Variants in PDE4D observed in about 807,000 individuals in gnomAD.
PDE4D encodes 3',5'-cyclic-AMP phosphodiesterase 4D.
A neutral mutation model predicts 87.4 loss-of-function variants in PDE4D; 24 were observed. The ratio of observed to expected loss-of-function variants is 0.27; its 90% CI spans 0.20 to 0.39. PDE4D has a LOEUF of 0.39. PDE4D is among the 10% of genes least tolerant of loss of function. The pLI is 1.00. For synonymous variants in PDE4D, 384 were observed against 383.2 expected (o/e 1.00, Z -0.02); for missense variants, 714 against 1,041.0 (o/e 0.69, Z 4.32).
intron 1 of PDE4D, among the ~76,000 whole-genome samples, chr5:60,348,688 C>T (rs1048157845): frequency 1.1e-4 from 16 of 151,668 alleles, no homozygotes; most frequent in Non-Finnish European, 2.1e-4. Context: ...TCTTTTTTTG[C>T]GGCTTGCCTG....
intron 1 of PDE4D, among the ~76,000 whole-genome samples, chr5:59,639,366 T>C (rs1192578595): frequency 6.6e-6 from 1 of 152,190 alleles, no homozygotes; most frequent in African/African-American, 2.4e-5. Context: ...ATTGGTGCTT[T>C]AGAAAGATAG....
chr5:59,587,139 C>A (rs1284247244), intron 1 of PDE4D: 1 of 335,900 alleles, frequency 3.0e-6, no homozygotes, highest in Non-Finnish European at 4.2e-6. Flanking sequence ...TGCTGCCTAA[C>A]CCCATAATAA....
intron 1 of PDE4D, among the ~76,000 whole-genome samples, chr5:59,335,280 A>G (rs1444266014): frequency 1.3e-5 from 2 of 152,166 alleles, no homozygotes; most frequent in Non-Finnish European, 2.9e-5. Flanking sequence ...CTGTGCCCAG[A>G]GCATGGGAAC....
chr5:59,575,422 T>A (rs1417323210), intron 1 of PDE4D, among the ~76,000 whole-genome samples: 2 of 152,182 alleles, frequency 1.3e-5, no homozygotes, highest in Non-Finnish European at 2.9e-5. Context: ...AAGATTCCTA[T>A]ATGAAAGTGA....
chr5:59,474,681 GA>G (rs1385511748), intron 1 of PDE4D, among the ~76,000 whole-genome samples: 1 of 152,024 alleles, frequency 6.6e-6, no homozygotes, highest in Non-Finnish European at 1.5e-5. Flanking sequence ...GGGTATGTAT[GA>G]AGAGAACAAG....
rs930087115 is a variant in PDE4D, at chr5:60,379,163, G to A, written c.-90+108779C>T. Reference sequence around the variant, plus strand: ...GAATTTGGAAGAAATTTCTTGTGGAGCAGTTTTTAAAACTGTAACCAGGAA... The same window carrying A: ...GAATTTGGAAGAAATTTCTTGTGGAACAGTTTTTAAAACTGTAACCAGGAA... On this transcript the variant is annotated intron_variant, in intron 1 of 16. Coordinates refer to the PDE4D transcript ENST00000502484. Among the ~76,000 whole-genome samples the A allele has an allele frequency of 4.0e-4, 60 of 149,078 alleles. 1 individual carries two copies. The highest frequency in any genetic ancestry group is 3.7e-3 in the Admixed American group (55 of 14,798).
At chr5:59,179,872 T>G (rs917133077) in intron 5 of PDE4D, among the ~76,000 whole-genome samples, 5 of 152,138 alleles carry the variant, frequency 3.3e-5, no homozygotes, top group African/African-American at 1.2e-4. Context: ...GTCAAAAGAG[T>G]TCAATTTGGT....
chr5:60,138,944 G>C (rs7736514), intron 2 of PDE4D, among the ~76,000 whole-genome samples: 2 of 151,642 alleles, frequency 1.3e-5, no homozygotes, highest in African/African-American at 4.8e-5. Context: ...GTTTTTTGGG[G>C]TTTTTTTGTT....
intron 2 of PDE4D, among the ~76,000 whole-genome samples, chr5:60,100,286 T>A (rs899558080): frequency 6.6e-6 from 1 of 152,028 alleles, no homozygotes; most frequent in Non-Finnish European, 1.5e-5. Context: ...ATAAATATAA[T>A]TTCTCATAGA....
intron 1 of PDE4D, among the ~76,000 whole-genome samples, chr5:59,330,394 C>A (rs1411701288): frequency 6.6e-6 from 1 of 152,110 alleles, no homozygotes. Flanking sequence ...CCCCAGGCAA[C>A]CTGTTCTTGG....
chr5:59,677,702 T>A (rs1748335527), intron 1 of PDE4D, among the ~76,000 whole-genome samples: 2 of 152,196 alleles, frequency 1.3e-5, no homozygotes, highest in African/African-American at 4.8e-5. Context: ...TATAATGATG[T>A]TTAGCAGAAG....
chr5:59,728,054 T>C (rs909151602), intron 1 of PDE4D, among the ~76,000 whole-genome samples: 3 of 152,124 alleles, frequency 2.0e-5, no homozygotes, highest in African/African-American at 7.2e-5. Context: ...TGTTGTGTTA[T>C]CATACAGTAG....
At chr5:59,597,087 G>A (rs1359575325) in intron 1 of PDE4D, among the ~76,000 whole-genome samples, 1 of 152,086 alleles carries the variant, frequency 6.6e-6, no homozygotes, top group Non-Finnish European at 1.5e-5. Flanking sequence ...GTTAATTTCT[G>A]TATCTTCATA....
intron 5 of PDE4D, among the ~76,000 whole-genome samples, chr5:59,080,496 A>T (rs895517067): frequency 3.9e-5 from 6 of 152,186 alleles, no homozygotes; most frequent in African/African-American, 1.4e-4. Context: ...TGCTCACCAG[A>T]TGGTGAAGAA....
At chr5:59,665,023 A>C (rs1330802373) in intron 1 of PDE4D, among the ~76,000 whole-genome samples, 1 of 152,166 alleles carries the variant, frequency 6.6e-6, no homozygotes, top group African/African-American at 2.4e-5. Flanking sequence ...CATTATCATG[A>C]CCCTCTGCCC....
chr5:59,383,329 C>T (rs244594), intron 1 of PDE4D, among the ~76,000 whole-genome samples: 56,048 of 151,710 alleles, frequency 0.37, 11,515 homozygotes, highest in African/African-American at 0.56. Flanking sequence ...AAATCGCAAG[C>T]CTGCTCCAGT....
chr5:60,071,484 A>T (rs1353440263), intron 2 of PDE4D, among the ~76,000 whole-genome samples: 1 of 152,132 alleles, frequency 6.6e-6, no homozygotes, highest in African/African-American at 2.4e-5. Context: ...CACAAATATT[A>T]TTCAAAAATC....
intron 1 of PDE4D, among the ~76,000 whole-genome samples, chr5:60,207,043 GGT>G: frequency 6.6e-6 from 1 of 152,292 alleles, no homozygotes; most frequent in South Asian, 2.1e-4. Context: ...GTAATTTACA[GGT>G]GGATCTTACA....
intron 1 of PDE4D, among the ~76,000 whole-genome samples, chr5:59,429,819 A>T (rs977772702): frequency 6.6e-6 from 1 of 152,184 alleles, no homozygotes; most frequent in African/African-American, 2.4e-5. Flanking sequence ...TAGGAAAAAT[A>T]CATAACCTTG....
Sources: allele counts gnomAD v4.1 joint callset (sites outside exome capture counted in the v4.1 genomes callset), GRCh38; gene constraint gnomAD v4.1.1; transcripts MANE v1.5; gene names NCBI Gene and HGNC (gene_info 2026-07-23, HGNC 2026-07-21).